The following SGCZ variants were observed in gnomAD, a reference collection of about 807,000 sequenced individuals.
SGCZ encodes the protein sarcoglycan zeta.
A neutral mutation model predicts 41.3 loss-of-function variants in SGCZ; 40 were observed. The observed-to-expected ratio is 0.97, with a 90% CI of 0.75 to 1.26. SGCZ has a LOEUF of 1.26. Among genes scored for constraint, SGCZ ranks in the 50% most tolerant of loss-of-function variants. The pLI, the probability that SGCZ is intolerant of heterozygous loss-of-function variation, is 0.00. For synonymous variants in SGCZ, 206 were observed against 137.5 expected (o/e 1.50, Z -3.49); for missense variants, 552 against 369.8 (o/e 1.49, Z -4.04).
rs546170270 is a variant in SGCZ, at chr8:15,137,184, A to G, written c.39+100401T>C. On this transcript the variant is annotated intron_variant, in intron 1 of 7. Transcript: ENST00000382080. Reference sequence around the variant, plus strand: ...ACTCTTACTATGTTTTAGCAAAGAGACTGGTGGCATTATGCCCCTGCCCTA... The same window carrying G: ...ACTCTTACTATGTTTTAGCAAAGAGGCTGGTGGCATTATGCCCCTGCCCTA... Among the ~76,000 whole-genome samples the G allele has an allele frequency of 7.2e-5, 11 of 151,818 alleles. No individual in the cohort carries two copies. In the South Asian group the frequency reaches 2.3e-3, roughly 31 times the overall value.
chr8:14,189,965 T>A (rs191074450), intron 4 of SGCZ, among the ~76,000 whole-genome samples: 1 of 152,058 alleles, frequency 6.6e-6, no homozygotes, highest in African/African-American at 2.4e-5. Flanking sequence ...TCCTTTAGGT[T>A]CATCCATGTT....
At position 14,963,334 on chromosome 8, in the gene SGCZ, T is replaced by A. The variant is rs186262789; in HGVS notation, c.39+274251A>T. Among the ~76,000 whole-genome samples the A allele has an allele frequency of 3.8e-3, 454 of 118,292 alleles. 3 individuals are homozygous for A. Among genetic ancestry groups the A allele is most frequent in the African/African-American group, 0.014 (408 of 29,924 alleles). The allele number at this position is 118,292 out of a possible 152,430, so 77.6% of individuals were successfully genotyped here. ...GTGAGGTATAAATTCATTTTCTTTT[T>A]CTTCTTTTTTTTTTTTTGTTTGGAG... On this transcript the variant is annotated intron_variant, in intron 1 of 7. Coordinates refer to ENST00000382080, the MANE Select transcript of SGCZ (RefSeq NM_139167.4).
chr8:14,309,239 G>A, intron 3 of SGCZ: 1 of 1,521,928 alleles, frequency 6.6e-7, no homozygotes, highest in Non-Finnish European at 9.1e-7. Flanking sequence ...AGACTTCTGG[G>A]CTCTGTACAA....
chr8:15,148,086 G>T (rs1467306706), intron 1 of SGCZ, among the ~76,000 whole-genome samples: 4 of 152,174 alleles, frequency 2.6e-5, no homozygotes, highest in Non-Finnish European at 5.9e-5. Context: ...TACACCAAAA[G>T]CAAGAAGCAG....
chr8:15,005,476 C>T (rs1453532954), intron 1 of SGCZ, among the ~76,000 whole-genome samples: 2 of 151,978 alleles, frequency 1.3e-5, no homozygotes, highest in East Asian at 1.9e-4. Flanking sequence ...CCATTACAGG[C>T]ATGCGCCACC....
chr8:14,281,808 T>C lies in SGCZ; in HGVS notation c.336+42295A>G, dbSNP rs569727175. On this transcript the variant is annotated intron_variant, in intron 3 of 7. Coordinates refer to ENST00000382080, the MANE Select transcript of SGCZ (RefSeq NM_139167.4). ...AATATAAGTACACTTCTAAGAAATA[T>C]GTGTATGTATATCTGGGTGTCTTGG... 4.6e-5 allele frequency among the ~76,000 whole-genome samples: 7 copies of C among 152,218 alleles called. No homozygotes were observed. In the East Asian group the frequency reaches 5.8e-4, roughly 13 times the overall value.
intron 1 of SGCZ, among the ~76,000 whole-genome samples, chr8:14,678,378 C>A (rs1349716748): frequency 6.6e-6 from 1 of 152,074 alleles, no homozygotes; most frequent in Admixed American, 6.5e-5. Context: ...GGGCCAGACA[C>A]CTTAATAGAC....
chr8:14,683,540 T>A (rs1383361310), intron 1 of SGCZ, among the ~76,000 whole-genome samples: 1 of 152,154 alleles, frequency 6.6e-6, no homozygotes, highest in African/African-American at 2.4e-5. Flanking sequence ...CTTCCCAAAT[T>A]CATCAAGTAA....
In SGCZ at chr8:15,175,216, A is replaced by G. The variant is rs73205495; in HGVS notation, c.39+62369T>C. Among the ~76,000 whole-genome samples, 515 of 152,332 alleles carry G rather than the reference A, an allele frequency of 3.4e-3. 4 individuals are homozygous for G. The highest frequency in any genetic ancestry group is 0.014 in the South Asian group (66 of 4,832). On this transcript the variant is annotated intron_variant, in intron 1 of 7. Coordinates refer to ENST00000382080, the MANE Select transcript of SGCZ (RefSeq NM_139167.4). ...AAAGGAATGTAAATCATTCTATTGT[A>G]AAGACACATGCATGCTTGTGTTCAC... is the stretch of plus-strand genomic sequence containing the variant.
At chr8:14,675,427 CA>C (rs1808243972) in intron 1 of SGCZ, among the ~76,000 whole-genome samples, 1 of 151,990 alleles carries the variant, frequency 6.6e-6, no homozygotes, top group Non-Finnish European at 1.5e-5. Context: ...ATATTAAATA[CA>C]GAGGAAAATA....
chr8:14,334,863 A>G (rs1162617885), intron 2 of SGCZ, among the ~76,000 whole-genome samples: 1 of 152,148 alleles, frequency 6.6e-6, no homozygotes, highest in African/African-American at 2.4e-5. Flanking sequence ...TTTTTGTAAT[A>G]CATTCATTAT....
intron 4 of SGCZ, among the ~76,000 whole-genome samples, chr8:14,216,377 G>C (rs535337328): frequency 1.3e-5 from 2 of 152,192 alleles, no homozygotes; most frequent in East Asian, 3.9e-4. Context: ...AATCACAGGA[G>C]AAGGCACTTC....
At chr8:15,180,138 C>T (rs929183668) in intron 1 of SGCZ, among the ~76,000 whole-genome samples, 1 of 152,168 alleles carries the variant, frequency 6.6e-6, no homozygotes, top group Non-Finnish European at 1.5e-5. Flanking sequence ...CCACCCTAGT[C>T]ATGATAACAA....
At chr8:14,292,175 T>C (rs574064402) in intron 3 of SGCZ, among the ~76,000 whole-genome samples, 127 of 152,166 alleles carry the variant, frequency 8.3e-4, no homozygotes, top group African/African-American at 2.9e-3. Context: ...AGGAGCTAGA[T>C]GCAAGACATA....
chr8:14,191,861 C>T (rs568722517), intron 4 of SGCZ, among the ~76,000 whole-genome samples: 16 of 152,146 alleles, frequency 1.1e-4, no homozygotes, highest in Admixed American at 3.9e-4. Context: ...AATGACTGGA[C>T]TCCATATCCT....
chr8:15,097,737 T>A (rs536348929), intron 1 of SGCZ, among the ~76,000 whole-genome samples: 143 of 104,964 alleles, frequency 1.4e-3, no homozygotes, highest in Middle Eastern at 5.2e-3. Context: ...AAAAAAAAAA[T>A]ATATATATAT....
intron 1 of SGCZ, among the ~76,000 whole-genome samples, chr8:14,660,009 G>A (rs998235374): frequency 3.9e-5 from 6 of 152,134 alleles, no homozygotes; most frequent in African/African-American, 1.4e-4. Flanking sequence ...GAACACCTGA[G>A]GCTACCAGGA....
chr8:14,204,182 A>G (rs1805544270), intron 4 of SGCZ, among the ~76,000 whole-genome samples: 1 of 152,118 alleles, frequency 6.6e-6, no homozygotes, highest in Admixed American at 6.5e-5. Flanking sequence ...AAAATGGGGC[A>G]TAAAACGAAA....
At position 15,104,756 on chromosome 8, in the gene SGCZ, T is replaced by C. The variant is rs544618248; in HGVS notation, c.39+132829A>G. Among the ~76,000 whole-genome samples, 4 of 152,330 alleles carry C rather than the reference T, an allele frequency of 2.6e-5. No individual in the cohort carries two copies. In the South Asian group the frequency reaches 6.2e-4, roughly 24 times the overall value. The stretch of plus-strand genomic sequence containing the variant: ...CATATAGAAGTGTACCCATGTTCCA[T>C]AGAATGACTATGGAACACTCCATAT... On this transcript the variant is annotated intron_variant, in intron 1 of 7. Coordinates refer to ENST00000382080, the MANE Select transcript of SGCZ (RefSeq NM_139167.4).
Sources: allele counts gnomAD v4.1 joint callset (sites outside exome capture counted in the v4.1 genomes callset), GRCh38; gene constraint gnomAD v4.1.1; transcripts MANE v1.5; gene names NCBI Gene and HGNC (gene_info 2026-07-23, HGNC 2026-07-21).